The following CAMK2D variants were observed in gnomAD, a reference collection of about 807,000 sequenced individuals.
CAMK2D encodes the protein calcium/calmodulin-dependent protein kinase type II subunit delta.
A neutral mutation model predicts 84.0 loss-of-function variants in CAMK2D; 37 were observed. That is an observed-to-expected ratio of 0.44 (90% CI 0.34 to 0.58). CAMK2D has a LOEUF of 0.58. Ranked by LOEUF, CAMK2D falls within the 20% of genes least tolerant of loss-of-function variation. The pLI is 0.02. For missense variants in CAMK2D, 448 were observed against 652.5 expected (o/e 0.69, Z 3.41); for synonymous variants, 202 against 212.5 (o/e 0.95, Z 0.43).
chr4:113,672,650 T>C (rs1406816161), intron 2 of CAMK2D, among the ~76,000 whole-genome samples: 1 of 151,730 alleles, frequency 6.6e-6, no homozygotes, highest in Non-Finnish European at 1.5e-5. Flanking sequence ...CTTAAAATCT[T>C]GCATCTATAT....
intron 16 of CAMK2D, among the ~76,000 whole-genome samples, chr4:113,474,257 G>T (rs1252393484): frequency 2.0e-5 from 3 of 152,112 alleles, no homozygotes; most frequent in African/African-American, 7.2e-5. Context: ...TTAAGAAACT[G>T]GTCAAAGACT....
In CAMK2D at chr4:113,609,457, C is replaced by T. The variant is rs990182679; in HGVS notation, c.221-251G>A. ...TGCTTAACTTGTAATGATATTAGTA[C>T]CTATGCTTTATAAAATGGTTGAGAT... On this transcript the variant is annotated intron_variant, in intron 3 of 20. Transcript: ENST00000511664. Among the ~76,000 whole-genome samples, 15 of 152,056 alleles carry T rather than the reference C, an allele frequency of 9.9e-5. No individual in the cohort carries two copies. In the South Asian group the frequency reaches 3.1e-3, roughly 32 times the overall value.
intron 13 of CAMK2D, among the ~76,000 whole-genome samples, chr4:113,507,835 T>C (rs1234218668): frequency 6.6e-6 from 1 of 152,192 alleles, no homozygotes; most frequent in Non-Finnish European, 1.5e-5. Context: ...CTTTCACACC[T>C]TTATAAACTC....
At chr4:113,671,723 C>G (rs147739837) in intron 2 of CAMK2D, among the ~76,000 whole-genome samples, 7 of 152,208 alleles carry the variant, frequency 4.6e-5, no homozygotes, top group African/African-American at 1.7e-4. Flanking sequence ...TTTGGAAATA[C>G]ACCCACCTCC....
At position 113,537,494 on chromosome 4, in the gene CAMK2D, C is replaced by T. The variant is rs774166512; in HGVS notation, c.415-51G>A. 1.2e-5 allele frequency: 13 copies of T among 1,112,482 alleles called. No individual in the cohort carries two copies. In the East Asian group the frequency reaches 1.7e-4, roughly 14 times the overall value. 68.9% of individuals were successfully genotyped at this position (1,112,482 alleles called of 1,614,324 possible). On this transcript the variant is annotated intron_variant, in intron 6 of 20. Coordinates refer to ENST00000511664, the MANE Select transcript of CAMK2D (RefSeq NM_001321571.2). ...GACTGAAGTGAGAACCTATTTTAAG[C>T]GACTATTCAAAACTAACAACATTTT...
intron 3 of CAMK2D, among the ~76,000 whole-genome samples, chr4:113,660,203 A>G (rs2099223105): frequency 6.6e-6 from 1 of 152,184 alleles, no homozygotes; most frequent in African/African-American, 2.4e-5. Context: ...ATTTTTCCAA[A>G]ATAATCAAAC....
intron 16 of CAMK2D, among the ~76,000 whole-genome samples, chr4:113,489,242 A>C (rs1017617664): frequency 6.7e-6 from 1 of 148,326 alleles, no homozygotes; most frequent in African/African-American, 2.5e-5. Context: ...GCACCCACTA[A>C]CTCGTCATCT....
At chr4:113,611,047 AACACACACACACAC>A (rs141563975) in intron 3 of CAMK2D, among the ~76,000 whole-genome samples, 9,414 of 148,712 alleles carry the variant, frequency 0.063, 515 homozygotes, top group East Asian at 0.2. Context: ...ATATACACAT[AACACACACACACAC>A]ACACACACAC....
chr4:113,680,544 T>TA (rs145420901), intron 2 of CAMK2D, among the ~76,000 whole-genome samples: 2 of 151,868 alleles, frequency 1.3e-5, no homozygotes, highest in African/African-American at 2.4e-5. Flanking sequence ...GACATGAGCT[T>TA]AAAAAAAAGT....
intron 3 of CAMK2D, among the ~76,000 whole-genome samples, chr4:113,643,004 G>C (rs2154295882): frequency 6.6e-6 from 1 of 152,188 alleles, no homozygotes; most frequent in African/African-American, 2.4e-5. Flanking sequence ...GCTAGAAAAA[G>C]GGAACATCTG....
chr4:113,704,125 GT>G (rs951353983), intron 2 of CAMK2D, among the ~76,000 whole-genome samples: 12 of 151,782 alleles, frequency 7.9e-5, no homozygotes, highest in Non-Finnish European at 1.3e-4. Context: ...TTCCCATAGT[GT>G]TTATCTGGAA....
intron 4 of CAMK2D, among the ~76,000 whole-genome samples, chr4:113,565,538 C>A (rs2098719008): frequency 6.6e-6 from 1 of 151,668 alleles, no homozygotes; most frequent in African/African-American, 2.4e-5. Context: ...GTAATCCCAG[C>A]TACTCAGGAG....
intron 3 of CAMK2D, among the ~76,000 whole-genome samples, chr4:113,648,775 T>G (rs1388492241): frequency 6.6e-6 from 1 of 152,178 alleles, no homozygotes; most frequent in Non-Finnish European, 1.5e-5. Context: ...AGCCAAATAT[T>G]TCCATCCTGA....
At chr4:113,631,382 G>GA (rs1261649000) in intron 3 of CAMK2D, among the ~76,000 whole-genome samples, 20 of 152,154 alleles carry the variant, frequency 1.3e-4, no homozygotes, top group African/African-American at 4.3e-4. Flanking sequence ...ATAAAGCAAA[G>GA]AAAATGTAGG....
Position 113,538,487 on chromosome 4 carries a change from C to A in CAMK2D, c.415-1044G>T, listed in dbSNP as rs185754331. On this transcript the variant is annotated intron_variant, in intron 6 of 20. Coordinates refer to ENST00000511664, the MANE Select transcript of CAMK2D (RefSeq NM_001321571.2). ...TGGGAGAGTGGTTTGGGGACAAAAC[C>A]CAGCAAATTTAGAGGTGTGTCTCAG... Among the ~76,000 whole-genome samples, 251 of 152,138 alleles carry A rather than the reference C, an allele frequency of 1.6e-3. 2 individuals are homozygous for A. The highest frequency in any genetic ancestry group is 5.8e-3 in the African/African-American group (240 of 41,524).
chr4:113,486,315 G>A (rs1184643733), intron 16 of CAMK2D, among the ~76,000 whole-genome samples: 1 of 151,874 alleles, frequency 6.6e-6, no homozygotes, highest in Non-Finnish European at 1.5e-5. Flanking sequence ...TGTAGAGATG[G>A]GGTCTTGTTA....
At chr4:113,752,824 CT>C (rs947443335) in intron 2 of CAMK2D, among the ~76,000 whole-genome samples, 11 of 152,088 alleles carry the variant, frequency 7.2e-5, no homozygotes, top group Non-Finnish European at 4.4e-5. Context: ...TCACTTTGAT[CT>C]TGTTATAGTA....
chr4:113,473,113 A>T (rs2097566439), intron 16 of CAMK2D, among the ~76,000 whole-genome samples: 1 of 152,168 alleles, frequency 6.6e-6, no homozygotes, highest in Non-Finnish European at 1.5e-5. Context: ...GAACCACCTA[A>T]ATGCCTTTGA....
chr4:113,723,036 T>C (rs750612367), intron 2 of CAMK2D, among the ~76,000 whole-genome samples: 178 of 152,168 alleles, frequency 1.2e-3, no homozygotes, highest in Non-Finnish European at 1.8e-3. Flanking sequence ...ACCCCTCATA[T>C]ACAAAATGAA....
Sources: allele counts gnomAD v4.1 joint callset (sites outside exome capture counted in the v4.1 genomes callset), GRCh38; gene constraint gnomAD v4.1.1; transcripts MANE v1.5; gene names NCBI Gene and HGNC (gene_info 2026-07-23, HGNC 2026-07-21).